Variants in CADPS2 observed in about 807,000 individuals in gnomAD.
CADPS2 encodes calcium-dependent secretion activator 2.
CADPS2 carries 93 observed loss-of-function variants against 172.5 expected under a neutral mutation model. That is an observed-to-expected ratio of 0.54 (90% confidence interval 0.46 to 0.64). The LOEUF is 0.64. Ranked by LOEUF, CADPS2 falls within the 30% of genes least tolerant of loss-of-function variation. CADPS2 has a pLI of 0.00. For missense variants in CADPS2, 1,420 were observed against 1,565.9 expected, an observed-to-expected ratio of 0.91 and a Z score of 1.57; for synonymous variants, 546 against 555.2, an observed-to-expected ratio of 0.98 and a Z score of 0.23.
chr7:122,636,468 T>C (rs1038492810), intron 3 of CADPS2, among the ~76,000 whole-genome samples: 1 of 90,866 alleles, frequency 1.1e-5, no homozygotes, highest in Non-Finnish European at 2.9e-5. Flanking sequence ...AGATGTTTTT[T>C]TTTTTTTTTT....
chr7:122,473,133 C>G (rs987278735), intron 13 of CADPS2, among the ~76,000 whole-genome samples: 2 of 152,118 alleles, frequency 1.3e-5, no homozygotes, highest in African/African-American at 2.4e-5. Context: ...GAATTATAAA[C>G]TAAATGGAGT....
intron 14 of CADPS2, among the ~76,000 whole-genome samples, chr7:122,470,574 A>G (rs980933043): frequency 1.3e-5 from 2 of 152,026 alleles, no homozygotes; most frequent in African/African-American, 4.8e-5. Context: ...GGCTCACTGC[A>G]ACCTCTGCCT....
chr7:122,443,080 C>T (rs1369838963), intron 15 of CADPS2, among the ~76,000 whole-genome samples: 1 of 152,112 alleles, frequency 6.6e-6, no homozygotes, highest in Non-Finnish European at 1.5e-5. Context: ...TTGCATAATC[C>T]ATCCATTGTC....
At chr7:122,516,638 T>C (rs537159075) in intron 8 of CADPS2, among the ~76,000 whole-genome samples, 27 of 152,134 alleles carry the variant, frequency 1.8e-4, no homozygotes, top group South Asian at 1.0e-3. Flanking sequence ...AATTAAAAAA[T>C]AATAATTTTG....
chr7:122,760,069 C>T (rs1364079385), intron 1 of CADPS2, among the ~76,000 whole-genome samples: 4 of 151,766 alleles, frequency 2.6e-5, no homozygotes, highest in African/African-American at 9.7e-5. Context: ...ATTTTACACA[C>T]AGTCTATACT....
At chr7:122,445,392 T>A (rs1429690151) in intron 15 of CADPS2, among the ~76,000 whole-genome samples, 2 of 152,178 alleles carry the variant, frequency 1.3e-5, no homozygotes, top group Non-Finnish European at 2.9e-5. Flanking sequence ...TTTATACTAT[T>A]CAGTGTACAT....
intron 8 of CADPS2, among the ~76,000 whole-genome samples, chr7:122,538,540 T>C (rs573769889): frequency 5.3e-5 from 8 of 152,052 alleles, no homozygotes; most frequent in Admixed American, 5.3e-4. Context: ...AATGTAAGGA[T>C]GTTTTAACAC....
At chr7:122,603,895 G>A (rs2073135220) in intron 6 of CADPS2, among the ~76,000 whole-genome samples, 1 of 152,090 alleles carries the variant, frequency 6.6e-6, no homozygotes, top group Admixed American at 6.6e-5. Context: ...CTGAAGGTGA[G>A]GGAAATGAGA....
At chr7:122,624,322 C>T (rs1257643039) in intron 4 of CADPS2, among the ~76,000 whole-genome samples, 1 of 152,132 alleles carries the variant, frequency 6.6e-6, no homozygotes, top group East Asian at 1.9e-4. Context: ...AGCATAGGTC[C>T]CTAGTGGTCT....
intron 28 of CADPS2, among the ~76,000 whole-genome samples, chr7:122,340,900 C>T (rs1478709138): frequency 1.3e-5 from 2 of 149,608 alleles, no homozygotes; most frequent in Admixed American, 1.3e-4. Context: ...GAGAGAACCT[C>T]AAAGCAGAAA....
chr7:122,563,264 T>A (rs2065979509), intron 7 of CADPS2, among the ~76,000 whole-genome samples: 1 of 152,188 alleles, frequency 6.6e-6, no homozygotes, highest in South Asian at 2.1e-4. Flanking sequence ...ATGAATAGCA[T>A]AACCTTTACA....
At position 122,416,171 on chromosome 7, in the gene CADPS2, G is replaced by GA. The variant is rs138422764; in HGVS notation, c.2477-8dup. The GA allele has an allele frequency of 5.4e-3, 7,983 of 1,481,964 alleles. 313 individuals are homozygous for GA. In the African/African-American group the frequency reaches 0.096, roughly 18 times the overall value. The allele number at this position is 1,481,964 out of a possible 1,614,324, so 91.8% of individuals were successfully genotyped here. The stretch of plus-strand genomic sequence containing the variant: ...GATGCCTGGTTCATGGTCTCTATAT[G>GA]AAAAAAAATCATAATCATGTTACCT... On this transcript the variant is annotated splice_region_variant and splice_polypyrimidine_tract_variant and intron_variant, in intron 17 of 29. Coordinates refer to ENST00000449022, the MANE Select transcript of CADPS2 (RefSeq NM_017954.11).
intron 3 of CADPS2, among the ~76,000 whole-genome samples, chr7:122,630,532 A>G (rs577561445): frequency 3.3e-5 from 5 of 152,266 alleles, no homozygotes; most frequent in African/African-American, 7.2e-5. Flanking sequence ...GGGCAACTTC[A>G]TAAGTTACTC....
intron 17 of CADPS2, among the ~76,000 whole-genome samples, chr7:122,423,331 C>T (rs1029145070): frequency 4.6e-5 from 7 of 152,142 alleles, no homozygotes; most frequent in Middle Eastern, 3.4e-3. Flanking sequence ...AAAAACAACC[C>T]ATTCCTGTCC....
intron 15 of CADPS2, among the ~76,000 whole-genome samples, chr7:122,446,623 A>G (rs902491390): frequency 1.3e-5 from 2 of 152,110 alleles, no homozygotes; most frequent in East Asian, 1.9e-4. Flanking sequence ...CAGACTTTGG[A>G]TAGTTTCCTC....
chr7:122,587,561 T>C (rs1213909601), intron 6 of CADPS2, among the ~76,000 whole-genome samples: 3 of 152,168 alleles, frequency 2.0e-5, no homozygotes, highest in African/African-American at 7.2e-5. Context: ...TTGTGAACAG[T>C]GCTGCAATGA....
intron 28 of CADPS2, among the ~76,000 whole-genome samples, chr7:122,339,532 C>T (rs1322363440): frequency 1.3e-5 from 2 of 152,138 alleles, no homozygotes; most frequent in African/African-American, 2.4e-5. Context: ...GTTAATCTTA[C>T]CAAGAATGAG....
intron 3 of CADPS2, among the ~76,000 whole-genome samples, chr7:122,644,034 C>T (rs952955039): frequency 6.6e-6 from 1 of 151,910 alleles, no homozygotes; most frequent in African/African-American, 2.4e-5. Context: ...GGCGCCACTG[C>T]ACTCCAGCCT....
At chr7:122,718,932 C>T (rs376364788) in intron 2 of CADPS2, among the ~76,000 whole-genome samples, 63 of 152,236 alleles carry the variant, frequency 4.1e-4, no homozygotes, top group African/African-American at 1.4e-3. Context: ...CTAGAACCTG[C>T]TGGATTTATG....
Sources: allele counts gnomAD v4.1 joint callset (sites outside exome capture counted in the v4.1 genomes callset), GRCh38; gene constraint gnomAD v4.1.1; transcripts MANE v1.5; gene names NCBI Gene and HGNC (gene_info 2026-07-23, HGNC 2026-07-21).